The following ZMIZ1 variants were observed in gnomAD, a reference collection of about 807,000 sequenced individuals.
ZMIZ1 encodes the protein zinc finger MIZ-type containing 1, also known as zinc finger MIZ domain-containing protein 1.
ZMIZ1 carries 17 observed loss-of-function variants against 113.9 expected under a neutral mutation model. The observed-to-expected ratio is 0.15, with a 90% CI of 0.10 to 0.22. The LOEUF (loss-of-function observed/expected upper bound fraction) is 0.22, where lower values mean the gene tolerates loss of function less well. Ranked by LOEUF, ZMIZ1 falls within the 10% of genes least tolerant of loss-of-function variation. The pLI is 1.00. For missense variants in ZMIZ1, 1,059 were observed against 1,477.8 expected (o/e 0.72, Z 4.65); for synonymous variants, 607 against 603.1 (o/e 1.01, Z -0.09).
intron 4 of ZMIZ1, among the ~76,000 whole-genome samples, chr10:79,198,850 A>G (rs908576987): frequency 1.3e-5 from 2 of 152,106 alleles, no homozygotes; most frequent in African/African-American, 4.8e-5. Context: ...CCTGGCCAGT[A>G]TGGTGAAACC....
intron 7 of ZMIZ1, among the ~76,000 whole-genome samples, chr10:79,255,714 G>C (rs1013715551): frequency 6.6e-6 from 1 of 152,028 alleles, no homozygotes; most frequent in African/African-American, 2.4e-5. Flanking sequence ...ACATTGAGTT[G>C]TTCTACTTAA....
intron 4 of ZMIZ1, among the ~76,000 whole-genome samples, chr10:79,195,200 T>C (rs1415371328): frequency 6.6e-6 from 1 of 152,230 alleles, no homozygotes; most frequent in East Asian, 1.9e-4. Flanking sequence ...CCTAAGAGGC[T>C]GGTATTTGAC....
At chr10:79,088,429 G>A (rs531898682) in intron 1 of ZMIZ1, among the ~76,000 whole-genome samples, 12 of 152,348 alleles carry the variant, frequency 7.9e-5, no homozygotes, top group Non-Finnish European at 1.8e-4. Context: ...TGGTGCTGGG[G>A]GAGGGCCACC....
In ZMIZ1 at chr10:79,165,098, C is replaced by T. The variant is rs916507079; in HGVS notation, c.-50+2965C>T. 2.6e-5 allele frequency among the ~76,000 whole-genome samples: 4 copies of T among 152,132 alleles called. No individual in the cohort carries two copies. The South Asian group carries it at 6.2e-4, about 24-fold the overall frequency. ...TAGGGGGGTGGGGAGGTACAGAAAGCCCTTGTCTGGGAGGTGGGGGCCTCA... is the reference window on the plus strand; with the variant it reads ...TAGGGGGGTGGGGAGGTACAGAAAGTCCTTGTCTGGGAGGTGGGGGCCTCA... On this transcript the variant is annotated intron_variant, in intron 4 of 24. Transcript: ENST00000334512.
chr10:79,108,925 C>G (rs1233565640), intron 1 of ZMIZ1, among the ~76,000 whole-genome samples: 2 of 152,026 alleles, frequency 1.3e-5, no homozygotes, highest in Non-Finnish European at 2.9e-5. Flanking sequence ...GCACCCAGAC[C>G]CACGCCTGAG....
chr10:79,256,026 A>C (rs1251561399), intron 7 of ZMIZ1, among the ~76,000 whole-genome samples: 1 of 152,184 alleles, frequency 6.6e-6, no homozygotes, highest in African/African-American at 2.4e-5. Context: ...CTGGTGGCAG[A>C]GGGTCCCCAC....
At chr10:79,138,283 CAG>C (rs1166302886) in intron 2 of ZMIZ1, among the ~76,000 whole-genome samples, 1 of 152,238 alleles carries the variant, frequency 6.6e-6, no homozygotes, top group Admixed American at 6.5e-5. Context: ...TTGTAGGGCT[CAG>C]GGGAATGTTC....
chr10:79,162,926 C>T (rs1305846676), intron 4 of ZMIZ1, among the ~76,000 whole-genome samples: 9 of 152,116 alleles, frequency 5.9e-5, no homozygotes, highest in Admixed American at 6.5e-5. Context: ...GTCCTAAGGT[C>T]GGGGCCAGCA....
chr10:79,267,319 A>C (rs1020307969), intron 7 of ZMIZ1, among the ~76,000 whole-genome samples: 3 of 152,198 alleles, frequency 2.0e-5, no homozygotes, highest in African/African-American at 7.2e-5. Flanking sequence ...ATTTTCTTGG[A>C]GATGGGTGAA....
At chr10:79,140,685 C>T (rs1370901548) in intron 3 of ZMIZ1, among the ~76,000 whole-genome samples, 3 of 152,168 alleles carry the variant, frequency 2.0e-5, no homozygotes, top group South Asian at 2.1e-4. Flanking sequence ...CCCACCCATT[C>T]CCCCCATCCA....
At chr10:79,147,356 G>A in intron 3 of ZMIZ1, among the ~76,000 whole-genome samples, 1 of 152,200 alleles carries the variant, frequency 6.6e-6, no homozygotes, top group Admixed American at 6.5e-5. Context: ...ACCAGGGGGA[G>A]CCGAGAAAGA....
At chr10:79,205,277 G>A (rs189467248) in intron 5 of ZMIZ1, among the ~76,000 whole-genome samples, 15 of 152,266 alleles carry the variant, frequency 9.9e-5, no homozygotes, top group South Asian at 6.2e-4. Context: ...GCCCATCAAC[G>A]GCTGGCCAAG....
At chr10:79,093,885 G>A (rs901494386) in intron 1 of ZMIZ1, among the ~76,000 whole-genome samples, 17 of 152,196 alleles carry the variant, frequency 1.1e-4, no homozygotes, top group Admixed American at 1.1e-3. Flanking sequence ...TGTGTATTGG[G>A]GAGATAAAAG....
In ZMIZ1 at chr10:79,070,893, C is replaced by G. The variant is rs1842257841; in HGVS notation, c.-337+1623C>G. On this transcript the variant is annotated intron_variant, in intron 1 of 24. Coordinates refer to ENST00000334512, the MANE Select transcript of ZMIZ1 (RefSeq NM_020338.4). Reference sequence around the variant, plus strand: ...TCCCCCGCGCGCTCTCCCCCTTCTCCTCTCCCCTGACTGCTTTTCCAATGC... The same window carrying G: ...TCCCCCGCGCGCTCTCCCCCTTCTCGTCTCCCCTGACTGCTTTTCCAATGC... Among the ~76,000 whole-genome samples, 2 of 150,286 alleles carry G rather than the reference C, an allele frequency of 1.3e-5. 1 individual carries two copies. Among genetic ancestry groups the G allele is most frequent in the Admixed American group, 1.4e-4 (2 of 14,684 alleles).
intron 12 of ZMIZ1, chr10:79,294,950 G>GGA (rs1564592594): frequency 7.0e-6 from 1 of 143,530 alleles, no homozygotes; most frequent in Non-Finnish European, 1.5e-5. Flanking sequence ...AGAGGGGGGG[G>GGA]GGTCAGGGGC....
chr10:79,178,629 A>C (rs1271335947), intron 4 of ZMIZ1, among the ~76,000 whole-genome samples: 4 of 152,046 alleles, frequency 2.6e-5, no homozygotes, highest in African/African-American at 9.7e-5. Flanking sequence ...TGGTGGGTTC[A>C]TGTCTTCACT....
intron 7 of ZMIZ1, among the ~76,000 whole-genome samples, chr10:79,251,430 G>A (rs1850550516): frequency 6.6e-6 from 1 of 152,146 alleles, no homozygotes; most frequent in Non-Finnish European, 1.5e-5. Flanking sequence ...TTTGTGGGAG[G>A]CGTGTTCCTC....
chr10:79,163,171 C>T (rs1846185807), intron 4 of ZMIZ1, among the ~76,000 whole-genome samples: 2 of 152,234 alleles, frequency 1.3e-5, no homozygotes, highest in Admixed American at 1.3e-4. Context: ...GAGTCTTCGC[C>T]CTGGTGTGGA....
chr10:79,193,960 G>C (rs1454542729), intron 4 of ZMIZ1, among the ~76,000 whole-genome samples: 1 of 152,216 alleles, frequency 6.6e-6, no homozygotes, highest in Non-Finnish European at 1.5e-5. Flanking sequence ...CTGAGCCCAG[G>C]GCTCATGAAG....
Sources: gnomAD v4.1 joint callset for allele counts (sites outside exome capture counted in the v4.1 genomes callset) on GRCh38, gnomAD v4.1.1 for gene constraint, MANE v1.5 for transcripts, NCBI Gene and HGNC (gene_info 2026-07-23, HGNC 2026-07-21) for gene names.